PACRG: variants seen among roughly 807,000 people sequenced by gnomAD.
PACRG encodes parkin coregulated gene protein.
PACRG carries 29 observed loss-of-function variants against 29.7 expected under a neutral mutation model. That is an observed-to-expected ratio of 0.98 (90% CI 0.73 to 1.33). PACRG has a LOEUF of 1.33. Among genes scored for constraint, PACRG ranks in the 40% most tolerant of loss-of-function variants. PACRG has a pLI of 0.00. For missense variants in PACRG, 279 were observed against 316.2 expected (o/e 0.88, Z 0.89); for synonymous variants, 116 against 118.7 (o/e 0.98, Z 0.15).
rs138479043 is a variant in PACRG at position 163,008,686 on chromosome 6, A to G, written c.292-53464A>G. Among the ~76,000 whole-genome samples, 48 of 147,922 alleles carry G rather than the reference A, an allele frequency of 3.2e-4. No individual in the cohort carries two copies. In the East Asian group the frequency reaches 8.7e-3, roughly 27 times the overall value. On this transcript the variant is annotated intron_variant, in intron 2 of 4. Transcript: ENST00000366888. Reference sequence around the variant, plus strand: ...CCGAGATAGCGGCTCAGCACCTCACATGGTAAGAGGACTATGTATTCCTTT... The same window carrying G: ...CCGAGATAGCGGCTCAGCACCTCACGTGGTAAGAGGACTATGTATTCCTTT...
At chr6:163,225,937 G>A (rs943555287) in intron 4 of PACRG, among the ~76,000 whole-genome samples, 5 of 152,160 alleles carry the variant, frequency 3.3e-5, no homozygotes, top group Non-Finnish European at 5.9e-5. Context: ...CTAGCACTTT[G>A]AGAGGCTGAG....
intron 4 of PACRG, chr6:163,190,782 C>T (rs1780175558): frequency 3.1e-6 from 1 of 324,722 alleles, no homozygotes; most frequent in African/African-American, 2.2e-5. Flanking sequence ...CTCAAATGTT[C>T]TGTGAGCCCG....
At chr6:162,982,122 C>G (rs752249579) in intron 2 of PACRG, among the ~76,000 whole-genome samples, 2 of 151,750 alleles carry the variant, frequency 1.3e-5, no homozygotes, top group Non-Finnish European at 2.9e-5. Flanking sequence ...TTGTATTTCT[C>G]TGGTATCGGT....
intron 4 of PACRG, among the ~76,000 whole-genome samples, chr6:163,134,385 G>A (rs889392796): frequency 6.6e-6 from 1 of 152,170 alleles, no homozygotes. Context: ...CACACTGTGG[G>A]TTCACCAAAA....
chr6:162,983,545 CTT>C (rs1235236984), intron 2 of PACRG, among the ~76,000 whole-genome samples: 15 of 139,616 alleles, frequency 1.1e-4, no homozygotes, highest in African/African-American at 3.9e-4. Context: ...CTGAAAAAGA[CTT>C]TATCTCTCTT....
Position 163,166,003 on chromosome 6 carries a change from A to G in PACRG, c.613+76595A>G, listed in dbSNP as rs534432373. 1.7e-3 allele frequency: 725 copies of G among 421,654 alleles called. 12 individuals carry two copies. Among genetic ancestry groups the G allele is most frequent in the South Asian group, 0.01 (630 of 60,604 alleles). The allele number at this position is 421,654 out of a possible 1,614,324, so 26.1% of individuals were successfully genotyped here. ...TATAATACAATTTCTCTTATTTGAA[A>G]TCTTCACTGGTTTGCCCACAAGCGC... On this transcript the variant is annotated intron_variant, in intron 4 of 4. Coordinates refer to ENST00000366888, the MANE Select transcript of PACRG (RefSeq NM_001080379.2).
chr6:162,800,573 A>AATCTGGT (rs919635135), intron 1 of PACRG, among the ~76,000 whole-genome samples: 13 of 152,212 alleles, frequency 8.5e-5, no homozygotes, highest in African/African-American at 2.9e-4. Flanking sequence ...GACCTGAAAG[A>AATCTGGT]ATCTGGTATC....
At chr6:162,882,556 G>T (rs2128019320) in intron 2 of PACRG, among the ~76,000 whole-genome samples, 1 of 152,312 alleles carries the variant, frequency 6.6e-6, no homozygotes, top group African/African-American at 2.4e-5. Flanking sequence ...GGAAGAGTGT[G>T]TAGACCTCAG....
At chr6:162,868,993 A>T (rs1433359347) in intron 2 of PACRG, among the ~76,000 whole-genome samples, 1 of 152,206 alleles carries the variant, frequency 6.6e-6, no homozygotes, top group African/African-American at 2.4e-5. Flanking sequence ...TACATCACGC[A>T]GGTACACAGA....
chr6:162,759,261 A>T (rs1782164120), intron 1 of PACRG, among the ~76,000 whole-genome samples: 2 of 152,158 alleles, frequency 1.3e-5, no homozygotes, highest in Admixed American at 1.3e-4. Flanking sequence ...TTAGTGAGGG[A>T]CTCACAGTGC....
intron 2 of PACRG, among the ~76,000 whole-genome samples, chr6:162,898,579 G>C (rs1393039756): frequency 6.6e-6 from 1 of 152,172 alleles, no homozygotes; most frequent in Non-Finnish European, 1.5e-5. Context: ...GGATCTATCT[G>C]TTATCAGCTG....
At chr6:162,740,605 CTTT>C (rs58613523) in intron 1 of PACRG, among the ~76,000 whole-genome samples, 2 of 134,626 alleles carry the variant, frequency 1.5e-5, no homozygotes, top group Non-Finnish European at 1.6e-5. Context: ...GCATGAGCCA[CTTT>C]TTTTTTTTTT....
chr6:163,053,225 A>C (rs1429402572), intron 2 of PACRG, among the ~76,000 whole-genome samples: 1 of 152,192 alleles, frequency 6.6e-6, no homozygotes, highest in Non-Finnish European at 1.5e-5. Flanking sequence ...TTGTGAATCT[A>C]AATTAACAAA....
intron 4 of PACRG, among the ~76,000 whole-genome samples, chr6:163,117,511 G>C (rs1407291693): frequency 6.6e-6 from 1 of 152,178 alleles, no homozygotes. Flanking sequence ...CAGCACTTTG[G>C]GAGGCCAAGG....
rs572530304 is a variant in PACRG at position 162,751,038 on chromosome 6, T to G, written c.156+22647T>G. Among the ~76,000 whole-genome samples, 41 of 152,306 alleles carry G rather than the reference T, an allele frequency of 2.7e-4. No homozygotes were observed. In the South Asian group the frequency reaches 8.1e-3, roughly 30 times the overall value. ...TACCTTCGTTTACAAATGCACTTAA[T>G]TCAATAAGGAAGAGTCCTTCTCCTG... is the stretch of plus-strand genomic sequence containing the variant. On this transcript the variant is annotated intron_variant, in intron 1 of 4. Transcript: ENST00000366888.
rs553512836 is a variant in PACRG, at chr6:162,949,921, T to A, written c.292-112229T>A. Among the ~76,000 whole-genome samples the A allele has an allele frequency of 3.1e-4, 47 of 152,286 alleles. 1 individual carries two copies. In the South Asian group the frequency reaches 9.5e-3, roughly 31 times the overall value. ...TGGTTTCTGGGCCTCTCTCCTAGGATGTGGAACTGAAAGACTGGCAAATGT... is the reference window on the plus strand; with the variant it reads ...TGGTTTCTGGGCCTCTCTCCTAGGAAGTGGAACTGAAAGACTGGCAAATGT... On this transcript the variant is annotated intron_variant, in intron 2 of 4. Transcript: ENST00000366888.
At chr6:163,148,064 A>G (rs2128337076) in intron 4 of PACRG, among the ~76,000 whole-genome samples, 1 of 152,356 alleles carries the variant, frequency 6.6e-6, no homozygotes, top group Non-Finnish European at 1.5e-5. Context: ...TGAGGACAAG[A>G]CGATGTCTAC....
intron 2 of PACRG, among the ~76,000 whole-genome samples, chr6:162,823,471 C>T (rs1424815951): frequency 2.0e-5 from 3 of 150,350 alleles, no homozygotes; most frequent in African/African-American, 7.3e-5. Context: ...ATATTTTTAT[C>T]TCTTTATCCT....
At chr6:162,944,992 C>T (rs1798901407) in intron 2 of PACRG, among the ~76,000 whole-genome samples, 1 of 151,662 alleles carries the variant, frequency 6.6e-6, no homozygotes, top group Non-Finnish European at 1.5e-5. Flanking sequence ...TTTACTGATC[C>T]CCAAATAGAA....
Sources: allele counts gnomAD v4.1 joint callset (sites outside exome capture counted in the v4.1 genomes callset), GRCh38; gene constraint gnomAD v4.1.1; transcripts MANE v1.5; gene names NCBI Gene and HGNC (gene_info 2026-07-23, HGNC 2026-07-21).